TCF12: variants seen among roughly 807,000 people sequenced by gnomAD.
TCF12 encodes the protein DNA-binding protein HTF4.
In TCF12, 45 loss-of-function variants were observed where a neutral mutation model predicts 86.0. The observed-to-expected ratio is 0.52, with a 90% CI of 0.41 to 0.67. The LOEUF is 0.67. Among genes scored for constraint, TCF12 ranks in the 30% least tolerant of loss-of-function variants. The probability of loss-of-function intolerance (pLI) is 0.00; values close to 1 mark genes in which losing one functional copy is unlikely to be tolerated. For missense variants in TCF12, 881 were observed against 859.9 expected, an observed-to-expected ratio of 1.02 and a Z score of -0.31; for synonymous variants, 330 against 299.6, an observed-to-expected ratio of 1.10 and a Z score of -1.05.
At chr15:57,269,202 G>T (rs1213437070) in intron 18 of TCF12, among the ~76,000 whole-genome samples, 7 of 152,002 alleles carry the variant, frequency 4.6e-5, no homozygotes, top group African/African-American at 1.7e-4. Flanking sequence ...ATGAATCTGG[G>T]TGCTCGTGTA....
intron 3 of TCF12, among the ~76,000 whole-genome samples, chr15:57,015,269 T>C (rs1469456954): frequency 6.6e-6 from 1 of 152,150 alleles, no homozygotes; most frequent in African/African-American, 2.4e-5. Context: ...GCCTGGGCGA[T>C]AGAGCCAGAC....
intron 4 of TCF12, among the ~76,000 whole-genome samples, chr15:57,089,584 GTTTTT>G (rs71113060): frequency 8.9e-5 from 13 of 145,580 alleles, no homozygotes; most frequent in African/African-American, 1.0e-4. Context: ...TTAGGAAATA[GTTTTT>G]TTTTTTTTTT....
At chr15:57,209,278 T>C (rs2058003276) in intron 8 of TCF12, among the ~76,000 whole-genome samples, 1 of 152,156 alleles carries the variant, frequency 6.6e-6, no homozygotes, top group South Asian at 2.1e-4. Flanking sequence ...TCCCTTCAAT[T>C]ATGCAGTTAA....
intron 6 of TCF12, among the ~76,000 whole-genome samples, chr15:57,183,400 A>G (rs1342880418): frequency 2.0e-5 from 3 of 152,206 alleles, no homozygotes; most frequent in Admixed American, 6.5e-5. Flanking sequence ...CTTAATTGAT[A>G]CTGCTTGAAT....
chr15:56,946,419 A>T (rs1312296270), intron 3 of TCF12, among the ~76,000 whole-genome samples: 3 of 151,748 alleles, frequency 2.0e-5, no homozygotes, highest in Non-Finnish European at 4.4e-5. Context: ...GTATTTTTTT[A>T]TTTCTAGAAA....
chr15:57,175,761 C>G (rs771043984), intron 6 of TCF12, among the ~76,000 whole-genome samples: 2 of 152,134 alleles, frequency 1.3e-5, no homozygotes, highest in Non-Finnish European at 2.9e-5. Context: ...GTTAGTTACT[C>G]AAATAACATG....
chr15:57,057,234 A>G (rs1265118239), intron 3 of TCF12, among the ~76,000 whole-genome samples: 1 of 151,938 alleles, frequency 6.6e-6, no homozygotes, highest in Non-Finnish European at 1.5e-5. Flanking sequence ...AAAATTTGGG[A>G]CCTCTCTTTT....
chr15:56,970,803 G>C (rs926255719), intron 3 of TCF12, among the ~76,000 whole-genome samples: 2 of 151,204 alleles, frequency 1.3e-5, no homozygotes, highest in Non-Finnish European at 3.0e-5. Flanking sequence ...TAATCTCAGC[G>C]CTTTGGGAAC....
rs1389211335 is a variant in TCF12, at chr15:57,091,849, G to A, written c.283G>A (p.Glu95Lys). Residue 95 changes from glutamate to lysine, a missense_variant, in exon 5 of 21, where the codon GAA becomes AAA. Physicochemically the swap from Glu to Lys is moderately conservative, Grantham distance 56. This residue lies in a region of TCF12 where 766 missense variants were observed against 718.9 expected (regional missense o/e 1.07). Coordinates refer to ENST00000333725, the MANE Select transcript of TCF12 (RefSeq NM_207037.2). ...HLNDSRLGAHEGLSPTPFMNS... is the reference protein window; with the variant it reads ...HLNDSRLGAHKGLSPTPFMNS... Reference sequence around the variant, plus strand: ...GAATGACAGTCGATTAGGAGCCCATGAAGGCTTGTCCCCAACACCTTTCAT... The same window carrying A: ...GAATGACAGTCGATTAGGAGCCCATAAAGGCTTGTCCCCAACACCTTTCAT... 1 of 1,613,896 alleles carries A rather than the reference G, an allele frequency of 6.2e-7. No individual in the cohort carries two copies. Among genetic ancestry groups the A allele is most frequent in the Admixed American group, 1.7e-5 (1 of 59,998 alleles).
chr15:57,264,379 T>TTTG (rs2060747022), intron 18 of TCF12, among the ~76,000 whole-genome samples: 1 of 151,486 alleles, frequency 6.6e-6, no homozygotes, highest in Non-Finnish European at 1.5e-5. Flanking sequence ...TTTTGTAGTT[T>TTTG]TAGTGGAGAC....
chr15:57,258,999 A>G (rs1447458549), intron 16 of TCF12, among the ~76,000 whole-genome samples: 9 of 152,250 alleles, frequency 5.9e-5, no homozygotes, highest in Middle Eastern at 3.4e-3. Flanking sequence ...TTATGTGTCT[A>G]TGTTTCAACT....
At chr15:57,092,877 A>T (rs1485922428) in intron 5 of TCF12, among the ~76,000 whole-genome samples, 1 of 152,208 alleles carries the variant, frequency 6.6e-6, no homozygotes, top group African/African-American at 2.4e-5. Flanking sequence ...CAGCCATACT[A>T]ATCTGAGTAG....
intron 5 of TCF12, among the ~76,000 whole-genome samples, chr15:57,139,930 G>T (rs1353509708): frequency 6.6e-6 from 1 of 152,162 alleles, no homozygotes; most frequent in Non-Finnish European, 1.5e-5. Context: ...TTAACATTTG[G>T]AGTATAGTAG....
At chr15:57,038,371 T>C (rs1369826190) in intron 3 of TCF12, among the ~76,000 whole-genome samples, 1 of 146,230 alleles carries the variant, frequency 6.8e-6, no homozygotes, top group Admixed American at 7.3e-5. Flanking sequence ...GAGGTTGCAG[T>C]GAGCCATGAC....
intron 3 of TCF12, among the ~76,000 whole-genome samples, chr15:56,934,687 G>A (rs1032065686): frequency 6.6e-6 from 1 of 152,108 alleles, no homozygotes; most frequent in African/African-American, 2.4e-5. Context: ...TATCTTATGC[G>A]ATTGTATTGT....
intron 5 of TCF12, among the ~76,000 whole-genome samples, chr15:57,135,092 C>T (rs746335399): frequency 6.6e-6 from 1 of 152,098 alleles, no homozygotes; most frequent in Non-Finnish European, 1.5e-5. Flanking sequence ...TATGGCTCAA[C>T]ATGGAACATT....
chr15:57,192,938 C>T (rs917326362), intron 7 of TCF12, among the ~76,000 whole-genome samples: 4 of 152,190 alleles, frequency 2.6e-5, no homozygotes, highest in Non-Finnish European at 4.4e-5. Flanking sequence ...GCTTGGTCCT[C>T]ACATGAGCAA....
chr15:57,212,057 G>GCTTGAAT (rs201840088), intron 8 of TCF12, among the ~76,000 whole-genome samples: 2 of 151,650 alleles, frequency 1.3e-5, no homozygotes, highest in East Asian at 3.9e-4. Context: ...GTGGATCACA[G>GCTTGAAT]CTTGAATCTT....
At chr15:56,918,588 G>T (rs1230582561), upstream of TCF12, 3 of 267,406 alleles carry the variant, frequency 1.1e-5, no homozygotes, top group African/African-American at 2.4e-5. Context: ...GGCGGAGCGG[G>T]TCGGGGAGGG....
Sources: allele counts gnomAD v4.1 joint callset (sites outside exome capture counted in the v4.1 genomes callset), GRCh38; gene constraint gnomAD v4.1.1; regional missense constraint gnomAD v4.1.1; transcripts MANE v1.5; gene names NCBI Gene and HGNC (gene_info 2026-07-23, HGNC 2026-07-21).